SNX5: variants seen among roughly 807,000 people sequenced by gnomAD.
SNX5 encodes the protein sorting nexin-5.
SNX5 carries 31 observed loss-of-function variants against 53.9 expected under a neutral mutation model. The ratio of observed to expected loss-of-function variants is 0.58; its 90% confidence interval spans 0.43 to 0.78. The LOEUF is 0.78. Ranked by LOEUF, SNX5 falls within the 30% of genes least tolerant of loss-of-function variation. The pLI, the probability that SNX5 is intolerant of heterozygous loss-of-function variation, is 0.00. For synonymous variants in SNX5, 168 were observed against 171.1 expected, an observed-to-expected ratio of 0.98 and a Z score of 0.14; for missense variants, 471 against 478.8, an observed-to-expected ratio of 0.98 and a Z score of 0.15.
chr20:17,957,862 A>G (rs778764981), intron 1 of SNX5, among the ~76,000 whole-genome samples: 1 of 152,128 alleles, frequency 6.6e-6, no homozygotes, highest in Non-Finnish European at 1.5e-5. Context: ...AAAACCAACC[A>G]AGGCCTTACT....
chr20:17,950,109 A>AAT (rs1350970869), intron 8 of SNX5, 23 bp downstream of exon 8: 1 of 1,607,850 alleles, frequency 6.2e-7, no homozygotes, highest in Admixed American at 1.7e-5. Flanking sequence ...GGTTAGGGGA[A>AAT]ATGCTTTTCC....
intron 1 of SNX5, among the ~76,000 whole-genome samples, chr20:17,958,535 C>A (rs773839316): frequency 1.1e-4 from 17 of 152,170 alleles, no homozygotes; most frequent in Non-Finnish European, 2.2e-4. Flanking sequence ...CAAGTAGTCA[C>A]CAGAAGTTGA....
Position 17,954,102 on chromosome 20 carries a change from T to C in SNX5, c.283A>G (p.Thr95Ala). ...CGAGGACCATCAAAGTCGGGCTTCG[T>C]AGGAGCAGGTGGAATCTGCAGCAGA... ...YAGLIIPPAP[T>A]KPDFDGPREK... The change falls in exon 4 of 13, where the codon ACG (threonine) becomes GCG (alanine). Residue 95 changes from threonine to alanine, a missense_variant. By Grantham distance (58) the Thr-to-Ala change is moderately conservative. Coordinates refer to ENST00000377759, the MANE Select transcript of SNX5 (RefSeq NM_014426.4). The C allele has an allele frequency of 6.2e-7, 1 of 1,613,734 alleles. No homozygotes were observed.
chr20:17,964,189 T>C (rs1166837597), intron 1 of SNX5, among the ~76,000 whole-genome samples: 1 of 152,158 alleles, frequency 6.6e-6, no homozygotes, highest in South Asian at 2.1e-4. Flanking sequence ...AACAGCACAA[T>C]GTCCTAGCTC....
chr20:17,946,047 C>A (rs570295432), intron 11 of SNX5, among the ~76,000 whole-genome samples: 14 of 152,278 alleles, frequency 9.2e-5, no homozygotes, highest in African/African-American at 3.1e-4. Context: ...CCCCTGAGAA[C>A]CCCAGAGAAG....
At chr20:17,965,156 AG>A (rs1273002496) in intron 1 of SNX5, among the ~76,000 whole-genome samples, 1 of 152,206 alleles carries the variant, frequency 6.6e-6, no homozygotes, top group Non-Finnish European at 1.5e-5. Flanking sequence ...CCATTTTAGA[AG>A]GAAGTCCGTT....
intron 12 of SNX5, chr20:17,942,668 G>T: frequency 2.0e-6 from 1 of 512,334 alleles, no homozygotes; most frequent in Non-Finnish European, 3.5e-6. Flanking sequence ...TCACCTGCTT[G>T]CTCCTAAATG....
intron 6 of SNX5, 74 bp from the exon 7 acceptor site, chr20:17,950,470 T>C: frequency 2.5e-6 from 2 of 810,476 alleles, no homozygotes; most frequent in Non-Finnish European, 4.0e-6. Flanking sequence ...TTTATCAATA[T>C]AAAAATATAT....
Position 17,948,882 on chromosome 20 carries a change from C to T in SNX5, c.918+8G>A, listed in dbSNP as rs373454509. The T allele has an allele frequency of 4.3e-6, 7 of 1,610,586 alleles. No individual in the cohort carries two copies. The East Asian group carries it at 6.7e-5, about 15-fold the overall frequency. On this transcript the variant is annotated splice_region_variant and intron_variant, in intron 10 of 12. Transcript: ENST00000377759. ...CTGCTCTGAGAAGCTGAGCAACTCT[C>T]TTCCTACCTTAGCAGCTTCAATGTT...
rs1366343069 is a variant in SNX5 at position 17,947,642 on chromosome 20, G to C, written c.922C>G (p.Leu308Val). ...YMLNIEAAKD[L>V]LYRRTKALID... ...AGGGCTTTGGTGCGTCTGTATAAGA[G>C]ATCCTGGGAAAAAAATTAACAGGTA... Residue 308 changes from leucine to valine, a missense_variant, in exon 11 of 13, where the codon CTC becomes GTC. Transcript: ENST00000377759. 1 of 1,608,398 alleles carries C rather than the reference G, an allele frequency of 6.2e-7. No homozygotes were observed. The highest frequency in any genetic ancestry group is 8.5e-7 in the Non-Finnish European group (1 of 1,178,308).
At chr20:17,949,612 T>A (rs1028172462) in intron 8 of SNX5, among the ~76,000 whole-genome samples, 2 of 152,136 alleles carry the variant, frequency 1.3e-5, no homozygotes, top group Admixed American at 6.5e-5. Flanking sequence ...GGTTTTTAAT[T>A]AATGAATGAA....
chr20:17,952,490 A>G, intron 5 of SNX5, 97 bp downstream of exon 5: 1 of 1,242,250 alleles, frequency 8.0e-7, no homozygotes, highest in South Asian at 1.6e-5. Context: ...CCATTGTGTA[A>G]GAAATTCAAA....
At chr20:17,968,282 G>A in intron 1 of SNX5, 93 bp downstream of exon 1, 1 of 1,093,364 alleles carries the variant, frequency 9.1e-7, no homozygotes, top group Non-Finnish European at 1.2e-6. Context: ...GCGGCGAGCA[G>A]CCACGGCCTA....
chr20:17,958,004 A>C (rs1202286989), intron 1 of SNX5, among the ~76,000 whole-genome samples: 3 of 53,048 alleles, frequency 5.7e-5, no homozygotes, highest in Non-Finnish European at 1.1e-4. Flanking sequence ...CTGCCCGTCA[A>C]AAAAAAAAAA....
chr20:17,954,226 G>A (rs184691566), intron 3 of SNX5, 109 bp from the exon 4 acceptor site: 5 of 1,505,566 alleles, frequency 3.3e-6, no homozygotes, highest in African/African-American at 2.8e-5. Flanking sequence ...CTCCACTCCT[G>A]TGGGGCTATT....
intron 1 of SNX5, among the ~76,000 whole-genome samples, chr20:17,958,981 A>G (rs926288914): frequency 1.3e-5 from 2 of 152,254 alleles, no homozygotes; most frequent in Non-Finnish European, 2.9e-5. Flanking sequence ...GACATAGGAC[A>G]GCTCACAGGA....
intron 11 of SNX5, 174 bp downstream of exon 11, chr20:17,947,312 G>T (rs2039499230): frequency 3.2e-6 from 2 of 629,116 alleles, no homozygotes; most frequent in Non-Finnish European, 5.3e-6. Flanking sequence ...TGTAACGTTT[G>T]TAAGCACGCA....
chr20:17,959,590 A>C (rs1240962818), intron 1 of SNX5, among the ~76,000 whole-genome samples: 1 of 152,204 alleles, frequency 6.6e-6, no homozygotes, highest in African/African-American at 2.4e-5. Context: ...TTTGGGCCTT[A>C]AAGAACTGTC....
Position 17,950,390 on chromosome 20 carries a change from C to A in SNX5, c.616G>T (p.Asp206Tyr). Residue 206 changes from aspartate to tyrosine, a missense_variant, in exon 7 of 13, where the codon GAT becomes TAT. Transcript: ENST00000377759. ...EVLFTGVKEV[D>Y]DFFEQEKNFL... ...TTCTTCTCTTGCTCAAAGAAGTCAT[C>A]TACCTCCTAGAAGGAAGAAAAAAAG... is the stretch of plus-strand genomic sequence containing the variant. 1 of 1,590,976 alleles carries A rather than the reference C, an allele frequency of 6.3e-7. No homozygotes were observed. Among genetic ancestry groups the A allele is most frequent in the South Asian group, 1.1e-5 (1 of 90,282 alleles).
Sources: gnomAD v4.1 joint callset for allele counts (sites outside exome capture counted in the v4.1 genomes callset) on GRCh38, gnomAD v4.1.1 for gene constraint, MANE v1.5 for transcripts, NCBI Gene and HGNC (gene_info 2026-07-23, HGNC 2026-07-21) for gene names.